CUL5: variants seen among roughly 807,000 people sequenced by gnomAD.
CUL5 encodes the protein cullin 5, also known as cullin-5.
In CUL5, 26 loss-of-function variants were observed where a neutral mutation model predicts 108.8. The ratio of observed to expected loss-of-function variants is 0.24; its 90% CI spans 0.18 to 0.33. The LOEUF (loss-of-function observed/expected upper bound fraction) is 0.33, where lower values mean the gene tolerates loss of function less well. Among genes scored for constraint, CUL5 ranks in the 10% least tolerant of loss-of-function variants. CUL5 has a pLI of 1.00. For synonymous variants in CUL5, 334 were observed against 298.0 expected, an observed-to-expected ratio of 1.12 and a Z score of -1.25; for missense variants, 524 against 909.2, an observed-to-expected ratio of 0.58 and a Z score of 5.45.
At chr11:108,026,553 C>G (rs900567899) in intron 1 of CUL5, among the ~76,000 whole-genome samples, 4 of 152,138 alleles carry the variant, frequency 2.6e-5, no homozygotes, top group Non-Finnish European at 5.9e-5. Context: ...TCACTTCCTC[C>G]ACATATGCGC....
intron 1 of CUL5, among the ~76,000 whole-genome samples, chr11:108,027,505 C>G (rs1439274603): frequency 6.6e-6 from 1 of 152,098 alleles, no homozygotes; most frequent in African/African-American, 2.4e-5. Context: ...CTCCTGATGT[C>G]AAGTCATCCA....
intron 7 of CUL5, among the ~76,000 whole-genome samples, chr11:108,063,410 C>T (rs1009046081): frequency 2.6e-5 from 4 of 151,974 alleles, no homozygotes; most frequent in African/African-American, 7.2e-5. Flanking sequence ...GAATAGTACT[C>T]CATTGTGTTT....
At chr11:108,091,347 G>A (rs1000165711) in intron 13 of CUL5, among the ~76,000 whole-genome samples, 13 of 147,414 alleles carry the variant, frequency 8.8e-5, no homozygotes, top group African/African-American at 2.5e-4. Flanking sequence ...CACCACACCC[G>A]GCCTATGTTA....
At chr11:108,039,210 G>T (rs142206248) in intron 2 of CUL5, among the ~76,000 whole-genome samples, 2 of 152,056 alleles carry the variant, frequency 1.3e-5, no homozygotes, top group African/African-American at 4.8e-5. Context: ...AGTAGAGATG[G>T]GGTTTCTTCA....
chr11:108,008,994 C>CA lies in CUL5; in HGVS notation c.-353dup, dbSNP rs144520409. Reference sequence around the variant, plus strand: ...TCGTTGCAGGTGGCCGCGGCGGGTGCAACCACAAAGGCTAATCCGAAGGAG... The same window carrying CA: ...TCGTTGCAGGTGGCCGCGGCGGGTGCAAACCACAAAGGCTAATCCGAAGGAG... On this transcript the variant is annotated 5_prime_UTR_variant, in exon 1 of 19. Transcript: ENST00000393094. 0.12 allele frequency: 34,816 copies of CA among 286,324 alleles called. 2,348 individuals are homozygous for CA. The highest frequency in any genetic ancestry group is 0.17 in the African/African-American group (7,750 of 45,860). The allele number at this position is 286,324 out of a possible 1,614,324, so 17.7% of individuals were successfully genotyped here. A position where few individuals can be genotyped will look rare whatever the true frequency, so the allele number is the denominator to read the frequency against.
At chr11:108,069,540 G>GT (rs377700822) in intron 7 of CUL5, among the ~76,000 whole-genome samples, 27 of 151,580 alleles carry the variant, frequency 1.8e-4, no homozygotes, top group African/African-American at 4.8e-4. Flanking sequence ...TAGTTTCTAA[G>GT]TTTTTTTTTA....
intron 11 of CUL5, chr11:108,084,977 C>T (rs1864184724): frequency 6.6e-6 from 1 of 152,216 alleles, no homozygotes; most frequent in African/African-American, 2.4e-5. Context: ...TGTAGTTGTT[C>T]CTTCTCCACT....
intron 2 of CUL5, among the ~76,000 whole-genome samples, chr11:108,037,566 C>T (rs1591288279): frequency 6.6e-6 from 1 of 152,138 alleles, no homozygotes; most frequent in Non-Finnish European, 1.5e-5. Flanking sequence ...TCCAAACTTC[C>T]AAATGTCTTC....
intron 2 of CUL5, among the ~76,000 whole-genome samples, chr11:108,043,804 G>A (rs975855043): frequency 6.6e-5 from 10 of 152,180 alleles, no homozygotes; most frequent in African/African-American, 2.4e-4. Context: ...CAAGGCAGGT[G>A]GATCACCTGA....
intron 18 of CUL5, among the ~76,000 whole-genome samples, chr11:108,100,913 C>T (rs973611683): frequency 6.6e-6 from 1 of 152,044 alleles, no homozygotes; most frequent in African/African-American, 2.4e-5. Flanking sequence ...CCTGTGGTCC[C>T]AGCTACCCAG....
Position 108,009,115 on chromosome 11 carries a change from G to A in CUL5, c.-234G>A, listed in dbSNP as rs1555103703. 2 of 581,580 alleles carry A rather than the reference G, an allele frequency of 3.4e-6. No individual in the cohort carries two copies. The highest frequency in any genetic ancestry group is 3.1e-6 in the Non-Finnish European group (1 of 322,982). The allele number at this position is 581,580 out of a possible 1,614,324, so 36.0% of individuals were successfully genotyped here. ...GCCGTTCCGGTCTTCCTGAGCGCGT[G>A]CATGAGGTCTTTCGCGTGGGGAAGC... is the stretch of plus-strand genomic sequence containing the variant. On this transcript the variant is annotated 5_prime_UTR_variant, in exon 1 of 19. Transcript: ENST00000393094.
chr11:108,049,066 T>C (rs1469388823), intron 3 of CUL5, among the ~76,000 whole-genome samples: 1 of 152,170 alleles, frequency 6.6e-6, no homozygotes, highest in Non-Finnish European at 1.5e-5. Context: ...TTTCATAAAA[T>C]TGTGCAACCA....
intron 1 of CUL5, among the ~76,000 whole-genome samples, chr11:108,025,839 G>A (rs578039373): frequency 2.6e-5 from 4 of 152,238 alleles, no homozygotes; most frequent in Non-Finnish European, 5.9e-5. Context: ...CCTCTTAAAT[G>A]TAGTGAAACC....
chr11:108,083,009 C>A (rs958836999), intron 11 of CUL5, among the ~76,000 whole-genome samples: 1 of 152,110 alleles, frequency 6.6e-6, no homozygotes. Flanking sequence ...TTTGTAGATT[C>A]TTTCAGCTTT....
Position 108,054,992 on chromosome 11 carries a change from T to C in CUL5, c.780+37T>C, listed in dbSNP as rs759577436. The C allele has an allele frequency of 2.9e-6, 4 of 1,371,824 alleles. No homozygotes were observed. In the South Asian group the frequency reaches 3.8e-5, roughly 13 times the overall value. 85.0% of individuals were successfully genotyped at this position (1,371,824 alleles called of 1,614,324 possible). Reference sequence around the variant, plus strand: ...TGTAATTGTACATTTTATGGGATTATTTGAAATACGGAAGCATAGGAATGG... The same window carrying C: ...TGTAATTGTACATTTTATGGGATTACTTGAAATACGGAAGCATAGGAATGG... On this transcript the variant is annotated intron_variant, in intron 7 of 18. Transcript: ENST00000393094.
rs79515318 is a variant in CUL5 at position 108,052,593 on chromosome 11, G to A, written c.412-67G>A. The A allele has an allele frequency of 7.6e-4, 1,075 of 1,422,692 alleles. 8 individuals are homozygous for A. In the African/African-American group the frequency reaches 0.013, roughly 17 times the overall value. 88.1% of individuals were successfully genotyped at this position (1,422,692 alleles called of 1,614,324 possible). On this transcript the variant is annotated intron_variant, in intron 4 of 18. Coordinates refer to ENST00000393094, the MANE Select transcript of CUL5 (RefSeq NM_003478.6). ...TACAAATTTGATTTCCTTTTTTGGT[G>A]TTTGTACATGATACTTTGTATATTA...
At chr11:108,021,975 CATCT>C (rs1024877687) in intron 1 of CUL5, among the ~76,000 whole-genome samples, 2 of 151,996 alleles carry the variant, frequency 1.3e-5, no homozygotes, top group Admixed American at 1.3e-4. Flanking sequence ...CCACCATGCC[CATCT>C]ATCTATCTGT....
At chr11:108,059,424 T>C (rs889955099) in intron 7 of CUL5, among the ~76,000 whole-genome samples, 1 of 152,132 alleles carries the variant, frequency 6.6e-6, no homozygotes, top group African/African-American at 2.4e-5. Context: ...TCTTGATCAC[T>C]TCAGAATGAC....
chr11:108,101,482 T>C (rs1171464416), intron 18 of CUL5, among the ~76,000 whole-genome samples: 2 of 152,260 alleles, frequency 1.3e-5, no homozygotes, highest in East Asian at 3.8e-4. Context: ...CCCCTGCTCT[T>C]ACTGAGCTCT....
Sources: allele counts gnomAD v4.1 joint callset (sites outside exome capture counted in the v4.1 genomes callset), GRCh38; gene constraint gnomAD v4.1.1; transcripts MANE v1.5; gene names NCBI Gene and HGNC (gene_info 2026-07-23, HGNC 2026-07-21).